Variants in TSHZ1 observed in about 807,000 individuals in gnomAD.
TSHZ1 encodes teashirt homolog 1.
TSHZ1 carries 12 observed loss-of-function variants against 67.1 expected under a neutral mutation model. The ratio of observed to expected loss-of-function variants is 0.18; its 90% CI spans 0.11 to 0.29. TSHZ1 has a LOEUF of 0.29. Ranked by LOEUF, TSHZ1 falls within the 10% of genes least tolerant of loss-of-function variation. The pLI is 1.00. For synonymous variants in TSHZ1, 632 were observed against 622.4 expected (o/e 1.02, Z -0.23); for missense variants, 1,305 against 1,413.9 (o/e 0.92, Z 1.23).
At chr18:75,213,823 A>G (rs997989239) in intron 1 of TSHZ1, among the ~76,000 whole-genome samples, 6 of 152,042 alleles carry the variant, frequency 3.9e-5, no homozygotes, top group Non-Finnish European at 5.9e-5. Flanking sequence ...TAGTGTTTCC[A>G]TTCTTTCCTC....
intron 1 of TSHZ1, among the ~76,000 whole-genome samples, chr18:75,246,404 G>GTGTGTGTGTGTGTGTT (rs2023223705): frequency 2.2e-4 from 2 of 9,040 alleles, no homozygotes; most frequent in Non-Finnish European, 4.9e-4. Flanking sequence ...TTGGTTTCTG[G>GTGTGTGTGTGTGTGTT]TGTGTGTGTG....
At position 75,230,762 on chromosome 18, in the gene TSHZ1, T is replaced by C. The variant is rs184425608; in HGVS notation, c.40+18846T>C. On this transcript the variant is annotated intron_variant, in intron 1 of 1. Coordinates refer to ENST00000580243, the MANE Select transcript of TSHZ1 (RefSeq NM_001308210.2). ...ACTTCCCCGTGATTTGTGGAAGTGG[T>C]GCGAACCCTTCCTGGCTATTACAAG... Among the ~76,000 whole-genome samples the C allele has an allele frequency of 8.5e-5, 13 of 152,240 alleles. No homozygotes were observed. In the East Asian group the frequency reaches 2.5e-3, roughly 29 times the overall value.
At chr18:75,248,608 TTGAAG>T (rs2023253289) in intron 1 of TSHZ1, among the ~76,000 whole-genome samples, 1 of 152,022 alleles carries the variant, frequency 6.6e-6, no homozygotes, top group Non-Finnish European at 1.5e-5. Context: ...TAATGGAGAG[TTGAAG>T]TGAAAGAAAA....
At position 75,287,750 on chromosome 18, in the gene TSHZ1, G is replaced by A; in HGVS notation, c.2343G>A (p.Met781Ile). 1 of 1,613,812 alleles carries A rather than the reference G, an allele frequency of 6.2e-7. No homozygotes were observed. Among genetic ancestry groups the A allele is most frequent in the Non-Finnish European group, 8.5e-7 (1 of 1,180,030 alleles). The change falls in exon 2 of 2, where the codon ATG becomes ATA. Residue 781 changes from methionine to isoleucine, a missense_variant. Physicochemically the swap from Met to Ile is conservative, Grantham distance 10. Transcript: ENST00000580243. This position sits in a 1 kb window ranked among gnomAD's most constrained non-coding sequence, Gnocchi z 5.0. ...LAMLYKISNS[M>I]LDKPVYPATP... is the part of the protein sequence containing the mutation. ...TGCTGTACAAGATCAGCAACAGCAT[G>A]CTGGACAAGCCGGTGTACCCCGCCA...
intron 1 of TSHZ1, among the ~76,000 whole-genome samples, chr18:75,238,107 A>G (rs1022842845): frequency 8.5e-5 from 13 of 152,170 alleles, no homozygotes; most frequent in African/African-American, 2.9e-4. Context: ...GGCTGACTGA[A>G]GCCTTCTTAA....
intron 1 of TSHZ1, among the ~76,000 whole-genome samples, chr18:75,249,765 G>A (rs1228199550): frequency 1.3e-5 from 2 of 149,256 alleles, no homozygotes; most frequent in Non-Finnish European, 3.0e-5. Context: ...GGTGGGGGGA[G>A]GTTACTTCCT....
At chr18:75,251,476 A>G (rs1316740525) in intron 1 of TSHZ1, among the ~76,000 whole-genome samples, 1 of 136,720 alleles carries the variant, frequency 7.3e-6, no homozygotes, top group African/African-American at 2.7e-5. Flanking sequence ...ATACATTTTC[A>G]TTATTCTTTC....
At chr18:75,230,985 C>G (rs116792595) in intron 1 of TSHZ1, among the ~76,000 whole-genome samples, 1,547 of 152,296 alleles carry the variant, frequency 0.01, 19 homozygotes, top group African/African-American at 0.034. Flanking sequence ...CCTGTCAGTT[C>G]CCTTGTGGGG....
At chr18:75,259,411 C>T (rs1460870005) in intron 1 of TSHZ1, among the ~76,000 whole-genome samples, 1 of 152,136 alleles carries the variant, frequency 6.6e-6, no homozygotes, top group Admixed American at 6.5e-5. Context: ...AAGTTGTGTG[C>T]CATTCTGAGT....
intron 1 of TSHZ1, among the ~76,000 whole-genome samples, chr18:75,234,809 A>G (rs2023046632): frequency 6.6e-6 from 1 of 152,058 alleles, no homozygotes; most frequent in Non-Finnish European, 1.5e-5. Context: ...TCCTCCTCCC[A>G]TTTGCTGTTC....
intron 1 of TSHZ1, among the ~76,000 whole-genome samples, chr18:75,246,120 C>G (rs555863855): frequency 6.6e-6 from 1 of 152,332 alleles, no homozygotes; most frequent in Admixed American, 6.5e-5. Flanking sequence ...TCACGTTTTG[C>G]TTCTTGAAAG....
chr18:75,285,558 A>T lies in TSHZ1; in HGVS notation c.151A>T (p.Thr51Ser). The T allele has an allele frequency of 6.3e-7, 1 of 1,589,916 alleles. No homozygotes were observed. The change falls in exon 2 of 2, where the codon ACG (threonine) becomes TCG (serine). Residue 51 changes from threonine to serine, a missense_variant. Physicochemically the swap from Thr to Ser is moderately conservative, Grantham distance 58. This residue lies in a region of TSHZ1 where 358 missense variants were observed against 375.6 expected (regional missense o/e 0.95). Coordinates refer to ENST00000580243, the MANE Select transcript of TSHZ1 (RefSeq NM_001308210.2). ...QESEYMCNEE[T>S]EIKEAQSYQN... ...AAGTGAGTACATGTGCAATGAAGAG[A>T]CGGAGATCAAAGAGGCGCAGAGCTA... is the stretch of plus-strand genomic sequence containing the variant.
chr18:75,283,859 G>A (rs886378800), intron 1 of TSHZ1: 1 of 152,194 alleles, frequency 6.6e-6, no homozygotes, highest in African/African-American at 2.4e-5. Context: ...CTCCCTTTGG[G>A]CGGCCAAGAT....
At chr18:75,228,139 T>C (rs549619876) in intron 1 of TSHZ1, among the ~76,000 whole-genome samples, 1 of 152,228 alleles carries the variant, frequency 6.6e-6, no homozygotes, top group Non-Finnish European at 1.5e-5. Flanking sequence ...TGGATGCTTT[T>C]TTCAAAGCTC....
Position 75,272,261 on chromosome 18 carries a change from G to A in TSHZ1, c.41-13187G>A, listed in dbSNP as rs1010703903. Among the ~76,000 whole-genome samples, 10 of 152,302 alleles carry A rather than the reference G, an allele frequency of 6.6e-5. 1 individual carries two copies. The highest frequency in any genetic ancestry group is 5.8e-4 in the East Asian group (3 of 5,174). The stretch of plus-strand genomic sequence containing the variant: ...GATGAGAATCCTGCAGAACTGCGCC[G>A]GCACGCGAGGCGCCTTGGTCTCCTT... On this transcript the variant is annotated intron_variant, in intron 1 of 1. Transcript: ENST00000580243.
intron 1 of TSHZ1, among the ~76,000 whole-genome samples, chr18:75,254,775 C>T (rs951443695): frequency 1.3e-5 from 2 of 152,154 alleles, no homozygotes; most frequent in Non-Finnish European, 2.9e-5. Context: ...TATCACTGAT[C>T]GCTCACAGGT....
intron 1 of TSHZ1, among the ~76,000 whole-genome samples, chr18:75,243,517 G>A (rs771120862): frequency 6.6e-6 from 1 of 152,278 alleles, no homozygotes; most frequent in South Asian, 2.1e-4. Context: ...GTCTGGGTGG[G>A]CTGAGGGGTG....
intron 1 of TSHZ1, among the ~76,000 whole-genome samples, chr18:75,212,248 C>T (rs901351648): frequency 6.6e-6 from 1 of 152,184 alleles, no homozygotes; most frequent in East Asian, 1.9e-4. Flanking sequence ...GTAGTTGCTC[C>T]TTGGCTGCCG....
At chr18:75,213,027 G>T (rs1192608312) in intron 1 of TSHZ1, among the ~76,000 whole-genome samples, 1 of 152,186 alleles carries the variant, frequency 6.6e-6, no homozygotes, top group South Asian at 2.1e-4. Flanking sequence ...AAACATGAGC[G>T]ACTCTTTAGC....
Sources: allele counts gnomAD v4.1 joint callset (sites outside exome capture counted in the v4.1 genomes callset), GRCh38; gene constraint gnomAD v4.1.1; regional missense constraint gnomAD v4.1.1; non-coding constraint Gnocchi (gnomAD v3.1); transcripts MANE v1.5; gene names NCBI Gene and HGNC (gene_info 2026-07-23, HGNC 2026-07-21).